ST7: variants seen among roughly 807,000 people sequenced by gnomAD.
ST7 encodes suppression of tumorigenicity 7.
ST7 carries 28 observed loss-of-function variants against 78.7 expected under a neutral mutation model. The ratio of observed to expected loss-of-function variants is 0.36; its 90% CI spans 0.26 to 0.49. ST7 has a LOEUF of 0.49. Among genes scored for constraint, ST7 ranks in the 20% least tolerant of loss-of-function variants. ST7 has a pLI of 0.99. For synonymous variants in ST7, 247 were observed against 249.6 expected, an observed-to-expected ratio of 0.99 and a Z score of 0.10; for missense variants, 418 against 696.0, an observed-to-expected ratio of 0.60 and a Z score of 4.49.
rs35970973 is a variant in ST7, at chr7:117,096,067, CAAAAAAAAAAAAAA to C, written c.152-3677_152-3664del. On this transcript the variant is annotated intron_variant, in intron 1 of 15. Transcript: ENST00000323984. ...TGGGCAACAGAGCGAGATTCTGCCTCAAAAAAAAAAAAAAAAAAAAAAAAAAAAAAAGAATATCA... is the reference window on the plus strand; with the variant it reads ...TGGGCAACAGAGCGAGATTCTGCCTCAAAAAAAAAAAAAAAAAGAATATCA... Among the ~76,000 whole-genome samples the C allele has an allele frequency of 1.4e-4, 5 of 35,708 alleles. No individual in the cohort carries two copies. The Admixed American group carries it at 1.5e-3, about 11-fold the overall frequency. 23.4% of individuals were successfully genotyped at this position (35,708 alleles called of 152,430 possible).
At chr7:117,098,146 A>G (rs1366433495) in intron 1 of ST7, among the ~76,000 whole-genome samples, 3 of 151,484 alleles carry the variant, frequency 2.0e-5, no homozygotes, top group Admixed American at 6.6e-5. Flanking sequence ...GAGTAGGTGC[A>G]GTGGGAGGCG....
At chr7:117,202,885 C>G (rs989281881) in intron 12 of ST7, among the ~76,000 whole-genome samples, 3 of 152,098 alleles carry the variant, frequency 2.0e-5, no homozygotes, top group African/African-American at 7.2e-5. Context: ...CCCTCAGTAT[C>G]TGCAGGGGAT....
intron 1 of ST7, among the ~76,000 whole-genome samples, chr7:116,996,394 G>T (rs986913280): frequency 6.6e-6 from 1 of 152,140 alleles, no homozygotes; most frequent in Non-Finnish European, 1.5e-5. Context: ...AGTTCTTTAT[G>T]TTCAATACTT....
intron 1 of ST7, among the ~76,000 whole-genome samples, chr7:117,004,283 T>C (rs1795065535): frequency 6.6e-6 from 1 of 152,146 alleles, no homozygotes; most frequent in African/African-American, 2.4e-5. Flanking sequence ...AGCTACAGAG[T>C]TCTTTGACCT....
intron 1 of ST7, among the ~76,000 whole-genome samples, chr7:117,075,128 G>A (rs1005139265): frequency 2.0e-5 from 3 of 152,030 alleles, no homozygotes; most frequent in Admixed American, 1.3e-4. Flanking sequence ...AAGGATTTTT[G>A]TGAGGAATAA....
At chr7:117,225,918 T>C (rs938391759) in intron 15 of ST7, among the ~76,000 whole-genome samples, 9 of 152,206 alleles carry the variant, frequency 5.9e-5, no homozygotes, top group African/African-American at 2.2e-4. Context: ...GGACTAACTC[T>C]TCCTAGAATG....
At chr7:117,209,395 T>C (rs1792098850) in intron 12 of ST7, among the ~76,000 whole-genome samples, 1 of 152,252 alleles carries the variant, frequency 6.6e-6, no homozygotes, top group Non-Finnish European at 1.5e-5. Flanking sequence ...ATCTCAAATC[T>C]TTCTAATGCA....
chr7:117,012,405 G>T (rs1300445908), intron 1 of ST7, among the ~76,000 whole-genome samples: 3 of 151,854 alleles, frequency 2.0e-5, no homozygotes, highest in Non-Finnish European at 4.4e-5. Context: ...TCTGATCTTA[G>T]ATAAGTTGTT....
Position 117,190,754 on chromosome 7 carries a change from G to GCC in ST7, c.1152-78_1152-77dup. ...CTATTGGCTCACTGTGGTTTTATGG[G>GCC]CCCTAGATGTGTAGATGCTTCCGGG... On this transcript the variant is annotated intron_variant, in intron 11 of 15. Coordinates refer to ENST00000323984, the MANE Select transcript of ST7 (RefSeq NM_001369598.1). This position sits in a 1 kb window ranked among gnomAD's most constrained non-coding sequence, Gnocchi z 5.2. 2 of 1,133,582 alleles carry GCC rather than the reference G, an allele frequency of 1.8e-6. No homozygotes were observed. The highest frequency in any genetic ancestry group is 2.6e-6 in the Non-Finnish European group (2 of 755,882). The allele number at this position is 1,133,582 out of a possible 1,614,324, so 70.2% of individuals were successfully genotyped here.
intron 13 of ST7, among the ~76,000 whole-genome samples, chr7:117,213,250 A>T (rs2116078819): frequency 6.6e-6 from 1 of 152,234 alleles, no homozygotes; most frequent in Non-Finnish European, 1.5e-5. Flanking sequence ...CCTTTGAATC[A>T]TTTTTATCTT....
At chr7:117,023,378 T>C (rs1796026171) in intron 1 of ST7, among the ~76,000 whole-genome samples, 1 of 152,232 alleles carries the variant, frequency 6.6e-6, no homozygotes, top group Non-Finnish European at 1.5e-5. Flanking sequence ...CTTTTATGCC[T>C]GACACTGCTT....
intron 3 of ST7, among the ~76,000 whole-genome samples, chr7:117,121,634 A>T (rs1803372222): frequency 6.6e-6 from 1 of 152,128 alleles, no homozygotes; most frequent in Non-Finnish European, 1.5e-5. Flanking sequence ...AAAGGGGCAA[A>T]CTACTTTTCC....
intron 9 of ST7, among the ~76,000 whole-genome samples, chr7:117,147,455 C>T (rs569617398): frequency 7.4e-4 from 112 of 152,162 alleles, no homozygotes; most frequent in African/African-American, 2.5e-3. Flanking sequence ...CTGCTTCAAG[C>T]ACGTCTATAT....
intron 12 of ST7, among the ~76,000 whole-genome samples, chr7:117,197,064 G>A (rs183501213): frequency 5.5e-4 from 84 of 152,182 alleles, no homozygotes; most frequent in Non-Finnish European, 9.1e-4. Context: ...AGGCAGGGTT[G>A]TACTCTGTCA....
At chr7:117,168,043 A>G (rs995891516) in intron 9 of ST7, among the ~76,000 whole-genome samples, 1 of 152,172 alleles carries the variant, frequency 6.6e-6, no homozygotes, top group Non-Finnish European at 1.5e-5. Flanking sequence ...CAGAGGGTTC[A>G]CTTTTTGTTC....
At chr7:116,972,818 G>C in intron 1 of ST7, 2 of 1,026,104 alleles carry the variant, frequency 1.9e-6, no homozygotes, top group Non-Finnish European at 3.0e-6. Context: ...ACTTCTCACT[G>C]GAGACGATCA....
At chr7:117,003,116 G>A (rs914479730) in intron 1 of ST7, among the ~76,000 whole-genome samples, 3 of 151,320 alleles carry the variant, frequency 2.0e-5, no homozygotes, top group African/African-American at 4.9e-5. Context: ...GAGCCACCAC[G>A]CCAAGCCTGA....
At chr7:116,992,055 A>G (rs771761431) in intron 1 of ST7, among the ~76,000 whole-genome samples, 18 of 152,272 alleles carry the variant, frequency 1.2e-4, no homozygotes, top group Admixed American at 5.2e-4. Context: ...CTCTGCCCCC[A>G]TGGCTTTGCA....
intron 14 of ST7, among the ~76,000 whole-genome samples, chr7:117,220,701 G>T (rs1793024567): frequency 6.6e-6 from 1 of 152,164 alleles, no homozygotes; most frequent in Non-Finnish European, 1.5e-5. Context: ...TAAGGGTGAG[G>T]ATATGAAGAA....
Sources: allele counts gnomAD v4.1 joint callset (sites outside exome capture counted in the v4.1 genomes callset), GRCh38; gene constraint gnomAD v4.1.1; non-coding constraint Gnocchi (gnomAD v3.1); transcripts MANE v1.5; gene names NCBI Gene and HGNC (gene_info 2026-07-23, HGNC 2026-07-21).